The following TAC4 variants were observed in gnomAD, a reference collection of about 807,000 sequenced individuals.
The protein encoded by TAC4 is tachykinin precursor 4.
Under a neutral mutation model 17.7 loss-of-function variants are expected in TAC4, and 17 were observed. The observed-to-expected ratio is 0.96, with a 90% CI of 0.66 to 1.44. The LOEUF is 1.44. Ranked by LOEUF, TAC4 falls within the 40% of genes most tolerant of loss-of-function variation. The probability of loss-of-function intolerance (pLI) is 0.00; values close to 1 mark genes in which losing one functional copy is unlikely to be tolerated. For synonymous variants in TAC4, 62 were observed against 52.4 expected, an observed-to-expected ratio of 1.18 and a Z score of -0.79; for missense variants, 118 against 125.6, an observed-to-expected ratio of 0.94 and a Z score of 0.29.
Position 49,838,613 on chromosome 17 carries a change from G to A in TAC4, c.*29C>T. 1 of 1,613,686 alleles carries A rather than the reference G, an allele frequency of 6.2e-7. No homozygotes were observed. The highest frequency in any genetic ancestry group is 8.5e-7 in the Non-Finnish European group (1 of 1,179,808). ...TCCAGGTAGGAAGAAGCGGCACCGT[G>A]TCCTCTGGGAAGTCTGTGGTGGGGG... On this transcript the variant is annotated 3_prime_UTR_variant, in exon 5 of 5. Transcript: ENST00000436235.
intron 1 of TAC4, among the ~76,000 whole-genome samples, chr17:49,845,692 T>G (rs570173307): frequency 5.3e-5 from 8 of 152,296 alleles, no homozygotes; most frequent in African/African-American, 1.4e-4. Flanking sequence ...TCAGAGGCTC[T>G]TTCTTCCATC....
rs781489492 is a variant in TAC4, at chr17:49,844,073, G to A, written c.190C>T (p.Arg64Ter). 1.5e-5 allele frequency: 25 copies of A among 1,613,484 alleles called. No individual in the cohort carries two copies. Among genetic ancestry groups the A allele is most frequent in the Middle Eastern group, 1.6e-4 (1 of 6,082 alleles). Residue 64 changes from arginine (R) to a stop codon, truncating the protein, a stop_gained, in exon 2 of 5, where the codon CGA becomes TGA. Coordinates refer to ENST00000436235, the MANE Select transcript of TAC4 (RefSeq NM_001077506.2). LOFTEE classifies it high-confidence loss of function. ...TGTCATTGTCACTCACCTCCCACTC[G>A]CTTCCCCATCAGCCCAAAGAACTGG... is the stretch of plus-strand genomic sequence containing the variant. ...ASQFFGLMGK[R>*]VGGRPLIQPR...
chr17:49,847,858 A>G (rs1407080814), intron 1 of TAC4, 55 bp downstream of exon 1: 1 of 1,612,752 alleles, frequency 6.2e-7, no homozygotes, highest in Middle Eastern at 1.7e-4. Flanking sequence ...ACTGCCGATT[A>G]TCCCCTGCCC....
intron 1 of TAC4, chr17:49,847,630 AC>A: frequency 2.4e-6 from 1 of 420,768 alleles, no homozygotes; most frequent in Non-Finnish European, 4.4e-6. Flanking sequence ...AGCATTTCAG[AC>A]AGTGCCAGAG....
rs754671743 is a variant in TAC4 at position 49,839,884 on chromosome 17, C to T, written c.258G>A (p.Gln86=). ...KKAYQLEHTF[Q]GLLGKRSLFT... ...ACAGGCTTCTCTTGCCCAGGAGGCC[C>T]TGGAACGTGTGTTCCAGCTGATATG... The change falls in exon 4 of 5, where the codon CAG becomes CAA. Residue 86 remains glutamine (Q), a synonymous_variant. Transcript: ENST00000436235. 1.9e-6 allele frequency: 3 copies of T among 1,612,494 alleles called. No homozygotes were observed. The South Asian group carries it at 3.3e-5, about 18-fold the overall frequency.
At chr17:49,846,328 G>A in intron 1 of TAC4, 2 of 978,472 alleles carry the variant, frequency 2.0e-6, no homozygotes, top group Non-Finnish European at 2.8e-6. Context: ...CCAGGTTGGA[G>A]TGCAGCAGCA....
chr17:49,846,278 A>AT (rs11297059), intron 1 of TAC4: 1,872 of 1,010,110 alleles, frequency 1.9e-3, no homozygotes, highest in East Asian at 3.2e-3. Flanking sequence ...CTGTTACCTC[A>AT]TTTTTTTTTT....
chr17:49,848,037 G>A lies in TAC4; in HGVS notation c.-20C>T. On this transcript the variant is annotated 5_prime_UTR_variant, in exon 1 of 5. Transcript: ENST00000436235. ...CAGCATGGTGAGCCTGCACTGTCCT[G>A]GAATCTCTGGGAGCCCCTCTCAGCT... 1 of 1,612,954 alleles carries A rather than the reference G, an allele frequency of 6.2e-7. No individual in the cohort carries two copies. The highest frequency in any genetic ancestry group is 8.5e-7 in the Non-Finnish European group (1 of 1,179,558).
intron 2 of TAC4, 102 bp from the exon 3 acceptor site, chr17:49,841,686 G>A (rs1390549331): frequency 1.1e-5 from 13 of 1,224,186 alleles, no homozygotes; most frequent in Non-Finnish European, 1.4e-5. Flanking sequence ...GTGCATTGGT[G>A]GGTCTTCAGT....
At chr17:49,841,081 T>C (rs1010143502) in intron 3 of TAC4, among the ~76,000 whole-genome samples, 37 of 150,962 alleles carry the variant, frequency 2.5e-4, no homozygotes, top group African/African-American at 8.5e-4. Context: ...GTATTTTTAG[T>C]CGCCATGTTG....
At chr17:49,841,635 G>T (rs757076307) in intron 2 of TAC4, 51 bp from the exon 3 acceptor site, 1 of 1,493,242 alleles carries the variant, frequency 6.7e-7, no homozygotes, top group Admixed American at 2.4e-5. Flanking sequence ...CTTCCCTGGG[G>T]GCTTGGTGAG....
chr17:49,843,869 C>T lies in TAC4; in HGVS notation c.199+195G>A, dbSNP rs544705101. Among the ~76,000 whole-genome samples, 11 of 152,318 alleles carry T rather than the reference C, an allele frequency of 7.2e-5. No individual in the cohort carries two copies. In the East Asian group the frequency reaches 2.1e-3, roughly 29 times the overall value. On this transcript the variant is annotated intron_variant, in intron 2 of 4. Coordinates refer to ENST00000436235, the MANE Select transcript of TAC4 (RefSeq NM_001077506.2). ...TCGGCCTGCCAAAGTGCTGGGATTA[C>T]AGACATGAGCCACTGCCCCCCAGCC...
At position 49,838,443 on chromosome 17, in the gene TAC4, T is replaced by C. The variant is rs751691700; in HGVS notation, c.*199A>G. On this transcript the variant is annotated 3_prime_UTR_variant, in exon 5 of 5. Transcript: ENST00000436235. Reference sequence around the variant, plus strand: ...TCAGTGCAGCTTGCTACGGCGAAGCTGTGCATTTATGCAGGACTGCTGCTT... The same window carrying C: ...TCAGTGCAGCTTGCTACGGCGAAGCCGTGCATTTATGCAGGACTGCTGCTT... 4 of 675,568 alleles carry C rather than the reference T, an allele frequency of 5.9e-6. No individual in the cohort carries two copies. Among genetic ancestry groups the C allele is most frequent in the Admixed American group, 2.8e-5 (1 of 35,142 alleles). The allele number at this position is 675,568 out of a possible 1,614,324, so 41.8% of individuals were successfully genotyped here. A position where few individuals can be genotyped will look rare whatever the true frequency, so the allele number is the denominator to read the frequency against.
intron 3 of TAC4, among the ~76,000 whole-genome samples, chr17:49,840,436 C>T (rs772295283): frequency 6.6e-6 from 1 of 152,068 alleles, no homozygotes; most frequent in Non-Finnish European, 1.5e-5. Context: ...TGCGGTGAGT[C>T]GCATTAGGGG....
Position 49,838,637 on chromosome 17 carries a change from G to A in TAC4, c.*5C>T, listed in dbSNP as rs369970265. ...TGTCCTCTGGGAAGTCTGTGGTGGG[G>A]GCTTTTACTCTGAACCTTGGGCCTC... On this transcript the variant is annotated 3_prime_UTR_variant, in exon 5 of 5. Transcript: ENST00000436235. The A allele has an allele frequency of 2.4e-5, 38 of 1,613,592 alleles. No homozygotes were observed. The highest frequency in any genetic ancestry group is 3.0e-5 in the Non-Finnish European group (35 of 1,179,838).
intron 3 of TAC4, among the ~76,000 whole-genome samples, chr17:49,841,244 C>CTTTTT (rs745671170): frequency 9.1e-6 from 1 of 110,362 alleles, no homozygotes; most frequent in African/African-American, 3.4e-5. Context: ...TAGTGGTTGA[C>CTTTTT]TTTTTTTTTT....
intron 4 of TAC4, 42 bp from the exon 5 acceptor site, chr17:49,838,715 C>A: frequency 1.2e-6 from 2 of 1,602,198 alleles, no homozygotes; most frequent in Non-Finnish European, 1.7e-6. Context: ...AGTCGGGGGT[C>A]TTGTCTGGCT....
chr17:49,839,915 G>T lies in TAC4; in HGVS notation c.233-6C>A. On this transcript the variant is annotated splice_polypyrimidine_tract_variant and splice_region_variant and intron_variant, in intron 3 of 4. Transcript: ENST00000436235. ...CGTGTGTTCCAGCTGATATGCTGGTGGTGGGAGAGAGAAGTGGTAGAGGAG... is the reference window on the plus strand; with the variant it reads ...CGTGTGTTCCAGCTGATATGCTGGTTGTGGGAGAGAGAAGTGGTAGAGGAG... 1 of 1,611,318 alleles carries T rather than the reference G, an allele frequency of 6.2e-7. No homozygotes were observed. Among genetic ancestry groups the T allele is most frequent in the African/African-American group, 1.3e-5 (1 of 75,042 alleles).
chr17:49,838,750 A>G (rs1276713004), intron 4 of TAC4, 77 bp from the exon 5 acceptor site: 3 of 1,507,618 alleles, frequency 2.0e-6, no homozygotes, highest in African/African-American at 2.8e-5. Flanking sequence ...AGTCTTCCCT[A>G]GTTGCATTGA....
Sources: allele counts gnomAD v4.1 joint callset (sites outside exome capture counted in the v4.1 genomes callset), GRCh38; gene constraint gnomAD v4.1.1; transcripts MANE v1.5; gene names NCBI Gene and HGNC (gene_info 2026-07-23, HGNC 2026-07-21).